Variants in TARBP1 observed in about 807,000 individuals in gnomAD.
TARBP1 encodes the protein tRNA (guanosine(18)-2'-O)-methyltransferase TARBP1.
A neutral mutation model predicts 178.6 loss-of-function variants in TARBP1; 144 were observed. That is an observed-to-expected ratio of 0.81 (90% CI 0.70 to 0.93). The LOEUF (loss-of-function observed/expected upper bound fraction) is 0.93, where lower values mean the gene tolerates loss of function less well. Ranked by LOEUF, TARBP1 falls within the 40% of genes least tolerant of loss-of-function variation. The pLI, the probability that TARBP1 is intolerant of heterozygous loss-of-function variation, is 0.00. For synonymous variants in TARBP1, 787 were observed against 781.0 expected, an observed-to-expected ratio of 1.01 and a Z score of -0.13; for missense variants, 2,067 against 2,011.7, an observed-to-expected ratio of 1.03 and a Z score of -0.53.
At chr1:234,448,790 T>TA in intron 10 of TARBP1, among the ~76,000 whole-genome samples, 1 of 152,350 alleles carries the variant, frequency 6.6e-6, no homozygotes, top group African/African-American at 2.4e-5. Context: ...GTGTGCCTGC[T>TA]ACATGCCATG....
chr1:234,399,736 G>A (rs1387756816), intron 25 of TARBP1, among the ~76,000 whole-genome samples: 7 of 152,060 alleles, frequency 4.6e-5, no homozygotes, highest in Non-Finnish European at 7.4e-5. Context: ...TCCTTTGTAG[G>A]GACATGGATG....
intron 8 of TARBP1, 152 bp downstream of exon 8, chr1:234,459,078 C>T: frequency 1.7e-6 from 1 of 593,148 alleles, no homozygotes; most frequent in Non-Finnish European, 2.9e-6. Flanking sequence ...TTAGAGAGAT[C>T]ATATGTATTA....
chr1:234,467,781 G>A (rs1019482722), intron 3 of TARBP1, 131 bp from the exon 4 acceptor site: 1 of 1,003,392 alleles, frequency 1.0e-6, no homozygotes, highest in African/African-American at 1.7e-5. Context: ...TTTTGTTACT[G>A]TTTTTTGAGA....
chr1:234,478,442 A>AGGGACGCCCCAGGCGCGGCC lies in TARBP1; in HGVS notation c.642_661dup (p.Leu221ArgfsTer13). Reference sequence around the variant, plus strand: ...CTTCTCCTCTACGCGGCCGGACCCCAGGGACGCCCCAGGCGCGGCCAGCCC... The same window carrying AGGGACGCCCCAGGCGCGGCC: ...CTTCTCCTCTACGCGGCCGGACCCCAGGGACGCCCCAGGCGCGGCCGGGACGCCCCAGGCGCGGCCAGCCC... On this transcript the variant is annotated frameshift_variant, in exon 1 of 30. Transcript: ENST00000040877. LOFTEE classifies it high-confidence loss of function. The AGGGACGCCCCAGGCGCGGCC allele has an allele frequency of 7.2e-7, 1 of 1,389,060 alleles. No homozygotes were observed. 86.0% of individuals were successfully genotyped at this position (1,389,060 alleles called of 1,614,324 possible).
Position 234,450,446 on chromosome 1 carries a change from T to C in TARBP1, c.1843A>G (p.Lys615Glu), listed in dbSNP as rs372537119. The change falls in exon 10 of 30, where the codon AAG (lysine) becomes GAG (glutamate). Residue 615 changes from lysine to glutamate, a missense_variant. Coordinates refer to ENST00000040877, the MANE Select transcript of TARBP1 (RefSeq NM_005646.4). ...YVKSIVQEYV[K>E]SSAWETGENC... ...GACTTACTTTCCCAAGCAGATGACT[T>C]AACATACTCTTGAACAATGCTCTTT... The C allele has an allele frequency of 1.0e-5, 16 of 1,596,358 alleles. No individual in the cohort carries two copies. In the African/African-American group the frequency reaches 2.0e-4, roughly 20 times the overall value.
chr1:234,453,219 G>C (rs1003368132), intron 9 of TARBP1, among the ~76,000 whole-genome samples: 1 of 151,994 alleles, frequency 6.6e-6, no homozygotes, highest in African/African-American at 2.4e-5. Flanking sequence ...GTCATCAATT[G>C]TAACAAATGA....
chr1:234,393,887 T>C (rs1453514850), intron 26 of TARBP1, 50 bp from the exon 27 acceptor site: 4 of 1,373,152 alleles, frequency 2.9e-6, no homozygotes, highest in Admixed American at 2.0e-5. Context: ...TCTGAATCTC[T>C]ATATATTTAT....
At chr1:234,477,226 A>G (rs1669647274) in intron 1 of TARBP1, among the ~76,000 whole-genome samples, 1 of 152,224 alleles carries the variant, frequency 6.6e-6, no homozygotes, top group Non-Finnish European at 1.5e-5. Flanking sequence ...TAACAGACTC[A>G]TGTAAATAAA....
rs139729950 is a variant in TARBP1, at chr1:234,456,232, A to G, written c.1722+1435T>C. On this transcript the variant is annotated intron_variant, in intron 9 of 29. Transcript: ENST00000040877. ...TATTTACTTTTTGAGACAGGGTCTC[A>G]CTCTGTCGTGCACGCTGGAGTGCAG... Among the ~76,000 whole-genome samples, 804 of 152,312 alleles carry G rather than the reference A, an allele frequency of 5.3e-3. 3 individuals are homozygous for G. Among genetic ancestry groups the G allele is most frequent in the African/African-American group, 0.017 (722 of 41,570 alleles).
chr1:234,462,950 G>T (rs1668033803), intron 6 of TARBP1, among the ~76,000 whole-genome samples: 3 of 152,054 alleles, frequency 2.0e-5, no homozygotes, highest in Non-Finnish European at 4.4e-5. Context: ...CACAAAGGTG[G>T]GAGTAACACA....
In TARBP1 at chr1:234,465,687, C is replaced by T. The variant is rs527625433; in HGVS notation, c.1270G>A (p.Asp424Asn). 21 of 1,574,018 alleles carry T rather than the reference C, an allele frequency of 1.3e-5. No individual in the cohort carries two copies. In the East Asian group the frequency reaches 4.1e-4, roughly 31 times the overall value. ...FSEFIIGPLM[D>N]ALSESSLYSR... ...TACAGAGAGCTCTCTGAAAGCGCAT[C>T]CATTAATGGTCCAATAATAAACTAA... is the stretch of plus-strand genomic sequence containing the variant. Residue 424 changes from aspartate (D) to asparagine (N), a missense_variant, in exon 5 of 30, where the codon GAT (aspartate) becomes AAT (asparagine). Coordinates refer to ENST00000040877, the MANE Select transcript of TARBP1 (RefSeq NM_005646.4).
intron 20 of TARBP1, among the ~76,000 whole-genome samples, chr1:234,421,406 G>A (rs1362285015): frequency 6.6e-6 from 1 of 152,142 alleles, no homozygotes; most frequent in East Asian, 1.9e-4. Context: ...TTTAAAATTA[G>A]AAGAGGGCCA....
intron 19 of TARBP1, among the ~76,000 whole-genome samples, 196 bp from the exon 20 acceptor site, chr1:234,425,989 G>T (rs1300518474): frequency 6.6e-6 from 1 of 152,078 alleles, no homozygotes; most frequent in African/African-American, 2.4e-5. Context: ...TTACAAGGAG[G>T]GTCTATACAG....
Position 234,430,219 on chromosome 1 carries a change from G to A in TARBP1, c.2477C>T (p.Pro826Leu), listed in dbSNP as rs1664284724. 1 of 1,614,092 alleles carries A rather than the reference G, an allele frequency of 6.2e-7. No individual in the cohort carries two copies. The highest frequency in any genetic ancestry group is 8.5e-7 in the Non-Finnish European group (1 of 1,180,052). The change falls in exon 15 of 30, where the codon CCT becomes CTT. Residue 826 changes from proline to leucine, a missense_variant. By Grantham distance (98) the Pro-to-Leu change is moderately conservative. Transcript: ENST00000040877. ...AMVCEAIDQKPELQLDSLHAG... is the reference protein window; with the variant it reads ...AMVCEAIDQKLELQLDSLHAG... Reference sequence around the variant, plus strand: ...ATGGAGAGAGTCCAGCTGCAGCTCAGGCTTCTGGTCTATGGCCTCACACAC... The same window carrying A: ...ATGGAGAGAGTCCAGCTGCAGCTCAAGCTTCTGGTCTATGGCCTCACACAC...
At chr1:234,466,235 G>A (rs1371333617) in intron 4 of TARBP1, among the ~76,000 whole-genome samples, 1 of 152,190 alleles carries the variant, frequency 6.6e-6, no homozygotes, top group African/African-American at 2.4e-5. Flanking sequence ...GACTTAGGCT[G>A]GTGCAGTGGC....
chr1:234,407,826 C>T (rs1164450471), intron 23 of TARBP1: 1 of 152,206 alleles, frequency 6.6e-6, no homozygotes, highest in African/African-American at 2.4e-5. Context: ...TGCTCTCTGA[C>T]TCTACAAGAT....
At chr1:234,394,405 C>T (rs1659707282) in intron 26 of TARBP1, among the ~76,000 whole-genome samples, 1 of 152,246 alleles carries the variant, frequency 6.6e-6, no homozygotes, top group Non-Finnish European at 1.5e-5. Flanking sequence ...GTTTTCATCT[C>T]TGTAGTACAG....
intron 28 of TARBP1, among the ~76,000 whole-genome samples, 180 bp downstream of exon 28, chr1:234,393,182 G>A (rs892702653): frequency 3.3e-5 from 5 of 152,130 alleles, no homozygotes; most frequent in Non-Finnish European, 5.9e-5. Flanking sequence ...TTTAAACACT[G>A]TTCTTAAATG....
At chr1:234,424,653 C>T (rs1663495588) in intron 20 of TARBP1, among the ~76,000 whole-genome samples, 1 of 152,176 alleles carries the variant, frequency 6.6e-6, no homozygotes, top group Non-Finnish European at 1.5e-5. Flanking sequence ...GGGCCAAGCA[C>T]AGTAGCTCAC....
Sources: allele counts gnomAD v4.1 joint callset (sites outside exome capture counted in the v4.1 genomes callset), GRCh38; gene constraint gnomAD v4.1.1; transcripts MANE v1.5; gene names NCBI Gene and HGNC (gene_info 2026-07-23, HGNC 2026-07-21).